The following HHIP variants were observed in gnomAD, a reference collection of about 807,000 sequenced individuals.
HHIP encodes hedgehog interacting protein.
HHIP carries 12 observed loss-of-function variants against 74.0 expected under a neutral mutation model. The ratio of observed to expected loss-of-function variants is 0.16; its 90% CI spans 0.10 to 0.26. The LOEUF is 0.26. Ranked by LOEUF, HHIP falls within the 10% of genes least tolerant of loss-of-function variation. The probability of loss-of-function intolerance (pLI) is 1.00; values close to 1 mark genes in which losing one functional copy is unlikely to be tolerated. For synonymous variants in HHIP, 309 were observed against 311.6 expected (o/e 0.99, Z 0.09); for missense variants, 788 against 845.0 (o/e 0.93, Z 0.84).
At position 144,744,392 on chromosome 4, in the gene HHIP, T is replaced by C. The variant is rs1242930633; in HGVS notation, c.*6435T>C. ...GTTTCTCTAATGGTTCATTTTCCTT[T>C]AGCTTGTGAAAATTAGGGCAGTTTG... On this transcript the variant is annotated 3_prime_UTR_variant, in exon 13 of 13. Transcript: ENST00000296575. The C allele has an allele frequency of 3.9e-5, 6 of 152,206 alleles. No individual in the cohort carries two copies. Among genetic ancestry groups the C allele is most frequent in the Admixed American group, 1.3e-4 (2 of 15,278 alleles). 9.4% of individuals were successfully genotyped at this position (152,206 alleles called of 1,614,324 possible).
At chr4:144,676,971 T>G (rs1416777727) in intron 4 of HHIP, among the ~76,000 whole-genome samples, 1 of 152,158 alleles carries the variant, frequency 6.6e-6, no homozygotes, top group East Asian at 1.9e-4. Context: ...ATTAAGAGAT[T>G]GAGATCAGGC....
intron 12 of HHIP, among the ~76,000 whole-genome samples, chr4:144,735,654 G>T (rs1315893756): frequency 1.3e-5 from 2 of 149,946 alleles, no homozygotes; most frequent in Non-Finnish European, 3.0e-5. Flanking sequence ...AAATGATTTT[G>T]ATCTCGGCTA....
chr4:144,734,478 T>C (rs1362594213), intron 11 of HHIP, among the ~76,000 whole-genome samples: 1 of 152,156 alleles, frequency 6.6e-6, no homozygotes. Context: ...ATTAAAGATA[T>C]TTTCATCAAT....
intron 4 of HHIP, among the ~76,000 whole-genome samples, chr4:144,667,264 C>T (rs1222744466): frequency 1.3e-5 from 2 of 152,040 alleles, no homozygotes; most frequent in African/African-American, 4.8e-5. Context: ...CGAGAGGATC[C>T]CTTGAGCCCA....
chr4:144,692,499 C>A (rs1729702337), intron 4 of HHIP, among the ~76,000 whole-genome samples: 1 of 152,152 alleles, frequency 6.6e-6, no homozygotes, highest in Non-Finnish European at 1.5e-5. Flanking sequence ...TTTCTGGCTC[C>A]TTCTCATCCT....
At chr4:144,667,037 A>G (rs564431708) in intron 4 of HHIP, among the ~76,000 whole-genome samples, 1 of 152,318 alleles carries the variant, frequency 6.6e-6, no homozygotes, top group South Asian at 2.1e-4. Context: ...ACTGCTAGCA[A>G]TACACCCTGG....
At chr4:144,682,216 C>A (rs191875241) in intron 4 of HHIP, among the ~76,000 whole-genome samples, 118 of 152,306 alleles carry the variant, frequency 7.7e-4, no homozygotes, top group African/African-American at 2.5e-3. Flanking sequence ...GAGGAGGAAG[C>A]AGGAGATTTG....
At chr4:144,662,144 G>T (rs1201167734) in intron 4 of HHIP, among the ~76,000 whole-genome samples, 1 of 152,142 alleles carries the variant, frequency 6.6e-6, no homozygotes, top group Non-Finnish European at 1.5e-5. Flanking sequence ...AAAAAATCTG[G>T]AATTCCTTGT....
intron 4 of HHIP, among the ~76,000 whole-genome samples, chr4:144,662,497 T>G (rs370968139): frequency 2.0e-5 from 3 of 152,246 alleles, no homozygotes; most frequent in African/African-American, 7.2e-5. Context: ...GCTAAAGAAT[T>G]AACTTCTTTT....
chr4:144,720,187 A>C (rs1451303308), intron 11 of HHIP, among the ~76,000 whole-genome samples: 1 of 152,156 alleles, frequency 6.6e-6, no homozygotes, highest in Non-Finnish European at 1.5e-5. Flanking sequence ...GAAATTAATG[A>C]CCTCCATAAG....
intron 8 of HHIP, among the ~76,000 whole-genome samples, chr4:144,713,045 G>C (rs1327741175): frequency 6.6e-6 from 1 of 151,544 alleles, no homozygotes; most frequent in Non-Finnish European, 1.5e-5. Context: ...ATTAATTGAG[G>C]TTAAGCTAAA....
intron 4 of HHIP, among the ~76,000 whole-genome samples, chr4:144,674,669 C>A (rs1470923084): frequency 6.6e-6 from 1 of 152,098 alleles, no homozygotes; most frequent in Non-Finnish European, 1.5e-5. Context: ...AATATATGTG[C>A]TTTTCATCAG....
At chr4:144,711,477 T>C (rs899986884) in intron 7 of HHIP, among the ~76,000 whole-genome samples, 18 of 152,222 alleles carry the variant, frequency 1.2e-4, no homozygotes, top group African/African-American at 4.3e-4. Context: ...GTCCTAAGGC[T>C]CTTCGTCCCC....
At chr4:144,652,018 T>C (rs1479639669) in intron 1 of HHIP, among the ~76,000 whole-genome samples, 1 of 152,132 alleles carries the variant, frequency 6.6e-6, no homozygotes, top group Non-Finnish European at 1.5e-5. Flanking sequence ...TTGATTTCAC[T>C]TTGGATATTA....
chr4:144,674,621 TA>T (rs1284354084), intron 4 of HHIP, among the ~76,000 whole-genome samples: 1 of 152,174 alleles, frequency 6.6e-6, no homozygotes, highest in African/African-American at 2.4e-5. Context: ...ATAAATCAAT[TA>T]AAAAATATGC....
chr4:144,708,757 A>C (rs1356757735), intron 7 of HHIP, among the ~76,000 whole-genome samples: 3 of 152,236 alleles, frequency 2.0e-5, no homozygotes, highest in Non-Finnish European at 4.4e-5. Flanking sequence ...TAAGTAAAGT[A>C]CCAAATAGTG....
intron 4 of HHIP, among the ~76,000 whole-genome samples, chr4:144,690,784 CTA>C (rs35356684): frequency 0.48 from 72,401 of 151,752 alleles, 18,181 homozygotes; most frequent in South Asian, 0.74. Context: ...TGTTACAAAT[CTA>C]TGTGAAGAAT....
intron 4 of HHIP, among the ~76,000 whole-genome samples, chr4:144,678,751 A>G (rs1729245451): frequency 6.6e-6 from 1 of 152,162 alleles, no homozygotes; most frequent in East Asian, 1.9e-4. Context: ...GTAGTATTCC[A>G]TGGTGTATGT....
In HHIP at chr4:144,714,301, C is replaced by T. The variant is rs753597308; in HGVS notation, c.1500C>T (p.Cys500=). The change falls in exon 9 of 13, where the codon TGC becomes TGT. Residue 500 remains cysteine (C), a synonymous_variant. Transcript: ENST00000296575. ...TTGGTGGATTTGTATACCGGGGCTG[C>T]CAGTCAGAAAGATTGTATGGAAGCT... ...PLVGGFVYRG[C]QSERLYGSYV... 1 of 1,613,268 alleles carries T rather than the reference C, an allele frequency of 6.2e-7. No individual in the cohort carries two copies. The highest frequency in any genetic ancestry group is 8.5e-7 in the Non-Finnish European group (1 of 1,179,514).
Sources: gnomAD v4.1 joint callset for allele counts (sites outside exome capture counted in the v4.1 genomes callset) on GRCh38, gnomAD v4.1.1 for gene constraint, MANE v1.5 for transcripts, NCBI Gene and HGNC (gene_info 2026-07-23, HGNC 2026-07-21) for gene names.